Variants in IFT88 observed in about 807,000 individuals in gnomAD.
The protein encoded by IFT88 is intraflagellar transport 88.
A neutral mutation model predicts 119.5 loss-of-function variants in IFT88; 74 were observed. The observed-to-expected ratio is 0.62, with a 90% confidence interval of 0.51 to 0.75. The LOEUF (loss-of-function observed/expected upper bound fraction) is 0.75, where lower values mean the gene tolerates loss of function less well. IFT88 is among the 30% of genes least tolerant of loss of function. IFT88 has a pLI of 0.00. For synonymous variants in IFT88, 279 were observed against 316.7 expected, an observed-to-expected ratio of 0.88 and a Z score of 1.26; for missense variants, 961 against 977.7, an observed-to-expected ratio of 0.98 and a Z score of 0.23.
Position 20,567,863 on chromosome 13 carries a change from TG to T in IFT88, c.-7+608del. ...CGATTTTCTGGTTGTGAGTTTTTTT[TG>T]TTTGTTTTTTTTTTTTCGAGAAACT... On this transcript the variant is annotated intron_variant, in intron 1 of 25. Transcript: ENST00000351808. The T allele has an allele frequency of 1.1e-5, 11 of 984,312 alleles. No homozygotes were observed. The East Asian group carries it at 1.9e-4, about 17-fold the overall frequency. 61.0% of individuals were successfully genotyped at this position (984,312 alleles called of 1,614,324 possible).
In IFT88 at chr13:20,686,077, C is replaced by T. The variant is rs141808239; in HGVS notation, c.2243-4628C>T. Among the ~76,000 whole-genome samples the T allele has an allele frequency of 1.4e-4, 21 of 152,250 alleles. No homozygotes were observed. In the East Asian group the frequency reaches 3.9e-3, roughly 28 times the overall value. On this transcript the variant is annotated intron_variant, in intron 24 of 25. Coordinates refer to ENST00000351808, the MANE Select transcript of IFT88 (RefSeq NM_006531.5). ...CACCCTGGAGCAGTTATTACAGGCCCCTTCTTCCCCACTGTGGTGAGATCC... is the reference window on the plus strand; with the variant it reads ...CACCCTGGAGCAGTTATTACAGGCCTCTTCTTCCCCACTGTGGTGAGATCC...
intron 24 of IFT88, among the ~76,000 whole-genome samples, chr13:20,686,249 T>C (rs1234429318): frequency 1.3e-5 from 2 of 152,222 alleles, no homozygotes; most frequent in Non-Finnish European, 2.9e-5. Context: ...ATAATAATCA[T>C]CACACAATGT....
intron 11 of IFT88, 77 bp from the exon 12 acceptor site, chr13:20,601,628 A>G: frequency 2.1e-6 from 2 of 937,618 alleles, no homozygotes; most frequent in South Asian, 1.8e-5. Flanking sequence ...CGAAAAAAGA[A>G]AACTATTTGT....
intron 3 of IFT88, among the ~76,000 whole-genome samples, chr13:20,585,357 C>CAA (rs2039477884): frequency 6.6e-6 from 1 of 152,170 alleles, no homozygotes; most frequent in South Asian, 2.1e-4. Flanking sequence ...AATTAAAATC[C>CAA]ACCAAGGGAA....
chr13:20,602,058 T>C, intron 12 of IFT88, 125 bp downstream of exon 12: 1 of 611,704 alleles, frequency 1.6e-6, no homozygotes, highest in Non-Finnish European at 2.9e-6. Context: ...ATGTGTTTTA[T>C]TATTGATGTA....
chr13:20,654,888 C>T (rs544390407), intron 21 of IFT88, among the ~76,000 whole-genome samples: 1 of 152,214 alleles, frequency 6.6e-6, no homozygotes, highest in South Asian at 2.1e-4. Flanking sequence ...GATTTAAAGA[C>T]ATAGCCTGCT....
intron 1 of IFT88, among the ~76,000 whole-genome samples, chr13:20,571,581 A>C (rs2036374255): frequency 6.6e-6 from 1 of 152,232 alleles, no homozygotes; most frequent in Non-Finnish European, 1.5e-5. Flanking sequence ...CAAAATGTAG[A>C]GATGAATCTT....
chr13:20,663,419 C>T lies in IFT88; in HGVS notation c.2069-79C>T, dbSNP rs1488245185. The T allele has an allele frequency of 3.2e-6, 5 of 1,571,438 alleles. No individual in the cohort carries two copies. In the South Asian group the frequency reaches 5.8e-5, roughly 18 times the overall value. ...TCATTCCTACCTGTATCCCAAAAGA[C>T]TGAGTTCACTGATTTATTGAGCTTT... is the stretch of plus-strand genomic sequence containing the variant. On this transcript the variant is annotated intron_variant, in intron 22 of 25. Coordinates refer to ENST00000351808, the MANE Select transcript of IFT88 (RefSeq NM_006531.5).
chr13:20,652,678 T>C (rs943680860), intron 20 of IFT88, among the ~76,000 whole-genome samples: 4 of 151,914 alleles, frequency 2.6e-5, no homozygotes, highest in Admixed American at 1.3e-4. Context: ...ACAGGCTAGA[T>C]TGACAGTATT....
intron 15 of IFT88, among the ~76,000 whole-genome samples, chr13:20,629,703 C>T (rs1339557115): frequency 6.6e-6 from 1 of 152,138 alleles, no homozygotes; most frequent in East Asian, 1.9e-4. Context: ...CTGCACAGCC[C>T]ACATCTCAGA....
rs542504873 is a variant in IFT88, at chr13:20,610,885, T to G, written c.1113-4908T>G. ...CAAGCGTGGTGGCTCTTGCCTGTAA[T>G]CCTAGCACTTTGTGGTACCGAGGTG... On this transcript the variant is annotated intron_variant, in intron 13 of 25. Coordinates refer to ENST00000351808, the MANE Select transcript of IFT88 (RefSeq NM_006531.5). Among the ~76,000 whole-genome samples, 7 of 152,212 alleles carry G rather than the reference T, an allele frequency of 4.6e-5. No homozygotes were observed. In the East Asian group the frequency reaches 1.4e-3, roughly 29 times the overall value.
Position 20,597,770 on chromosome 13 carries a change from T to TA in IFT88, c.594+651_594+652insA, listed in dbSNP as rs373031113. ...CAAAAAAAAAATATATATATATATA[T>TA]TTTTTTTTTGATAACTTGGTAAGTA... On this transcript the variant is annotated intron_variant, in intron 9 of 25. Transcript: ENST00000351808. Among the ~76,000 whole-genome samples the TA allele has an allele frequency of 9.7e-3, 1,382 of 142,312 alleles. 17 individuals are homozygous for TA. The highest frequency in any genetic ancestry group is 0.019 in the African/African-American group (743 of 38,312). 93.4% of individuals were successfully genotyped at this position (142,312 alleles called of 152,430 possible). A position where few individuals can be genotyped will look rare whatever the true frequency, so the allele number is the denominator to read the frequency against.
intron 13 of IFT88, among the ~76,000 whole-genome samples, chr13:20,611,373 A>G (rs1199863946): frequency 6.6e-6 from 1 of 151,580 alleles, no homozygotes; most frequent in Non-Finnish European, 1.5e-5. Context: ...ACAAAAAAAT[A>G]CAAAAATTAG....
At chr13:20,608,547 C>T (rs1011543328) in intron 13 of IFT88, among the ~76,000 whole-genome samples, 4 of 152,158 alleles carry the variant, frequency 2.6e-5, no homozygotes, top group Non-Finnish European at 4.4e-5. Context: ...AAGCTGGGAT[C>T]GCTGTGGCTG....
intron 19 of IFT88, 31 bp downstream of exon 19, chr13:20,643,636 T>G (rs2050291300): frequency 6.7e-7 from 1 of 1,488,230 alleles, no homozygotes; most frequent in African/African-American, 1.4e-5. Flanking sequence ...TCCTTCTGTG[T>G]TTTAGCATTT....
At chr13:20,650,777 A>G (rs979274597) in intron 20 of IFT88, among the ~76,000 whole-genome samples, 2 of 152,220 alleles carry the variant, frequency 1.3e-5, no homozygotes, top group Non-Finnish European at 2.9e-5. Flanking sequence ...CAGGATATAA[A>G]ATTAACCCAC....
At chr13:20,606,810 C>T (rs1435467770) in intron 13 of IFT88, among the ~76,000 whole-genome samples, 1 of 152,086 alleles carries the variant, frequency 6.6e-6, no homozygotes, top group Non-Finnish European at 1.5e-5. Flanking sequence ...ACCCAGGAGG[C>T]GGAGGTTGCA....
At chr13:20,602,206 C>CTTTTTTTTTTTTTTTTTTTTTTTTTTTTT in intron 12 of IFT88, among the ~76,000 whole-genome samples, 1 of 118,186 alleles carries the variant, frequency 8.5e-6, no homozygotes, top group Non-Finnish European at 1.7e-5. Flanking sequence ...AGCATAATAT[C>CTTTTTTTTTTTTTTTTTTTTTTTTTTTTT]TTTTTTTTTT....
At chr13:20,597,773 T>A (rs144749567) in intron 9 of IFT88, among the ~76,000 whole-genome samples, 9,484 of 142,612 alleles carry the variant, frequency 0.067, 408 homozygotes, top group African/African-American at 0.12. Flanking sequence ...ATATATATTT[T>A]TTTTTTGATA....
Sources: gnomAD v4.1 joint callset for allele counts (sites outside exome capture counted in the v4.1 genomes callset) on GRCh38, gnomAD v4.1.1 for gene constraint, MANE v1.5 for transcripts, NCBI Gene and HGNC (gene_info 2026-07-23, HGNC 2026-07-21) for gene names.